Variants in ZFYVE28 observed in about 807,000 individuals in gnomAD.
ZFYVE28 encodes the protein lateral signaling target protein 2 homolog.
Under a neutral mutation model 82.1 loss-of-function variants are expected in ZFYVE28, and 40 were observed. That is an observed-to-expected ratio of 0.49 (90% CI 0.38 to 0.63). The LOEUF is 0.63. ZFYVE28 is among the 30% of genes least tolerant of loss of function. ZFYVE28 has a pLI of 0.00. For missense variants in ZFYVE28, 1,321 were observed against 1,242.1 expected, an observed-to-expected ratio of 1.06 and a Z score of -0.96; for synonymous variants, 612 against 546.1, an observed-to-expected ratio of 1.12 and a Z score of -1.68.
intron 2 of ZFYVE28, among the ~76,000 whole-genome samples, chr4:2,349,372 TG>T (rs1724028296): frequency 1.8e-5 from 1 of 56,806 alleles, no homozygotes; most frequent in Non-Finnish European, 3.2e-5. Context: ...TGTTGTGGGG[TG>T]GGGGGAGGGG....
At chr4:2,296,112 A>G (rs1011401336) in intron 8 of ZFYVE28, among the ~76,000 whole-genome samples, 2 of 152,170 alleles carry the variant, frequency 1.3e-5, no homozygotes, top group African/African-American at 4.8e-5. Context: ...GGCCTCCCCG[A>G]GAGCACAGCC....
intron 7 of ZFYVE28, among the ~76,000 whole-genome samples, chr4:2,317,671 C>T (rs762748007): frequency 6.6e-6 from 1 of 152,122 alleles, no homozygotes; most frequent in East Asian, 1.9e-4. Flanking sequence ...CTTGCTCTGT[C>T]GCCCAGGCTG....
chr4:2,319,818 T>TGGGGAC (rs1718788633), intron 7 of ZFYVE28, among the ~76,000 whole-genome samples: 1 of 55,396 alleles, frequency 1.8e-5, no homozygotes, highest in Non-Finnish European at 3.8e-5. Flanking sequence ...ACGGTGGGGA[T>TGGGGAC]GGTGGGGATG....
chr4:2,281,645 C>T (rs150659152), intron 8 of ZFYVE28, among the ~76,000 whole-genome samples: 108 of 152,312 alleles, frequency 7.1e-4, no homozygotes, highest in Middle Eastern at 3.4e-3. Flanking sequence ...CTTTAAGGTC[C>T]CCCCTCTCAA....
At chr4:2,296,076 T>C (rs1298360364) in intron 8 of ZFYVE28, among the ~76,000 whole-genome samples, 1 of 152,162 alleles carries the variant, frequency 6.6e-6, no homozygotes, top group Non-Finnish European at 1.5e-5. Context: ...GTGGGGGACC[T>C]GCGGTAATGA....
intron 8 of ZFYVE28, among the ~76,000 whole-genome samples, chr4:2,298,570 T>C (rs1347395345): frequency 6.6e-6 from 1 of 152,196 alleles, no homozygotes; most frequent in Non-Finnish European, 1.5e-5. Flanking sequence ...GGCAGAGGCT[T>C]GGCCACTGTC....
At chr4:2,291,714 G>A (rs1258506296) in intron 8 of ZFYVE28, among the ~76,000 whole-genome samples, 10 of 152,190 alleles carry the variant, frequency 6.6e-5, no homozygotes, top group Admixed American at 5.9e-4. Context: ...TCCTTCTCCT[G>A]GAGCCCCCCT....
chr4:2,270,571 G>A lies in ZFYVE28; in HGVS notation c.*154C>T. The A allele has an allele frequency of 8.7e-7, 1 of 1,146,096 alleles. No individual in the cohort carries two copies. The highest frequency in any genetic ancestry group is 2.3e-5 in the Admixed American group (1 of 44,076). The allele number at this position is 1,146,096 out of a possible 1,614,324, so 71.0% of individuals were successfully genotyped here. A position where few individuals can be genotyped will look rare whatever the true frequency, so the allele number is the denominator to read the frequency against. On this transcript the variant is annotated 3_prime_UTR_variant, in exon 13 of 13. Transcript: ENST00000290974. ...GGGGTCCCTGCAGGGAGGCTAGCGTGGGCAGGACAGAGGCTCTGGATGCTC... is the reference window on the plus strand; with the variant it reads ...GGGGTCCCTGCAGGGAGGCTAGCGTAGGCAGGACAGAGGCTCTGGATGCTC...
intron 1 of ZFYVE28, among the ~76,000 whole-genome samples, chr4:2,402,406 C>T (rs1185325039): frequency 6.6e-6 from 1 of 152,230 alleles, no homozygotes; most frequent in Non-Finnish European, 1.5e-5. Context: ...CCATGTCCTG[C>T]AGCCTCTGCT....
intron 1 of ZFYVE28, among the ~76,000 whole-genome samples, chr4:2,374,744 G>T (rs1194912378): frequency 2.0e-5 from 3 of 152,180 alleles, no homozygotes; most frequent in Admixed American, 1.3e-4. Context: ...CTTTTAAATT[G>T]AACTCATATA....
intron 9 of ZFYVE28, 106 bp downstream of exon 9, chr4:2,273,956 T>C (rs1736156083): frequency 7.4e-7 from 1 of 1,349,212 alleles, no homozygotes; most frequent in African/African-American, 1.4e-5. Flanking sequence ...GGGCTGCTGT[T>C]TACAGGAAAG....
intron 8 of ZFYVE28, among the ~76,000 whole-genome samples, chr4:2,277,039 G>A (rs1022152731): frequency 2.6e-5 from 4 of 152,300 alleles, no homozygotes; most frequent in East Asian, 1.9e-4. Context: ...GCAAGGGAAC[G>A]GAGGCGGCAA....
At chr4:2,312,278 G>C (rs896847465) in intron 7 of ZFYVE28, among the ~76,000 whole-genome samples, 7 of 152,184 alleles carry the variant, frequency 4.6e-5, no homozygotes, top group Non-Finnish European at 8.8e-5. Context: ...AGGCACAGTG[G>C]CTCATGCCCA....
rs1176700672 is a variant in ZFYVE28, at chr4:2,320,573, A to G, written c.702-302T>C. 6.6e-6 allele frequency among the ~76,000 whole-genome samples: 1 copy of G among 152,266 alleles called. No homozygotes were observed. Among genetic ancestry groups the G allele is most frequent in the Non-Finnish European group, 1.5e-5 (1 of 68,052 alleles). ...GCACACATCAGTGCTGCAATCAGAT[A>G]AATTAGCCTCAAGGTTTGTTACCAA... On this transcript the variant is annotated intron_variant, in intron 6 of 12. Transcript: ENST00000290974. This position sits in a 1 kb window ranked among gnomAD's most constrained non-coding sequence, Gnocchi z 5.1.
chr4:2,381,564 GC>G (rs1406308104), intron 1 of ZFYVE28, among the ~76,000 whole-genome samples: 1 of 152,032 alleles, frequency 6.6e-6, no homozygotes, highest in African/African-American at 2.4e-5. Flanking sequence ...GCACCACCAT[GC>G]CCGGCTAATT....
intron 6 of ZFYVE28, among the ~76,000 whole-genome samples, chr4:2,329,521 G>A (rs1237649581): frequency 6.6e-6 from 1 of 152,132 alleles, no homozygotes; most frequent in Non-Finnish European, 1.5e-5. Flanking sequence ...AGTCACAAAA[G>A]GGTAAATCCT....
intron 7 of ZFYVE28, among the ~76,000 whole-genome samples, chr4:2,315,525 A>G (rs1323456186): frequency 2.0e-5 from 3 of 151,768 alleles, no homozygotes; most frequent in Admixed American, 1.3e-4. Flanking sequence ...CTCCCGCTTC[A>G]GCCTCCCAAA....
At chr4:2,277,181 CT>C (rs931212806) in intron 8 of ZFYVE28, among the ~76,000 whole-genome samples, 1 of 151,992 alleles carries the variant, frequency 6.6e-6, no homozygotes, top group African/African-American at 2.4e-5. Context: ...TCAATAAAGG[CT>C]TTTTTTTAAA....
At position 2,418,484 on chromosome 4, in the gene ZFYVE28, G is replaced by A; in HGVS notation, c.-161C>T. ...AGCCCGGAGCGCCGAGCGGGCGGCGGGCAGGTGCGCGGGGCAGGTGCGCGG... is the reference window on the plus strand; with the variant it reads ...AGCCCGGAGCGCCGAGCGGGCGGCGAGCAGGTGCGCGGGGCAGGTGCGCGG... On this transcript the variant is annotated 5_prime_UTR_variant, in exon 1 of 13. Coordinates refer to ENST00000290974, the MANE Select transcript of ZFYVE28 (RefSeq NM_020972.3). This position sits in a 1 kb window ranked among gnomAD's most constrained non-coding sequence, Gnocchi z 4.6. 1 of 404,000 alleles carries A rather than the reference G, an allele frequency of 2.5e-6. No individual in the cohort carries two copies. The highest frequency in any genetic ancestry group is 3.4e-6 in the Non-Finnish European group (1 of 294,034). 25.0% of individuals were successfully genotyped at this position (404,000 alleles called of 1,614,324 possible). A position where few individuals can be genotyped will look rare whatever the true frequency, so the allele number is the denominator to read the frequency against.
Sources: allele counts gnomAD v4.1 joint callset (sites outside exome capture counted in the v4.1 genomes callset), GRCh38; gene constraint gnomAD v4.1.1; non-coding constraint Gnocchi (gnomAD v3.1); transcripts MANE v1.5; gene names NCBI Gene and HGNC (gene_info 2026-07-23, HGNC 2026-07-21).